The following POLN variants were observed in gnomAD, a reference collection of about 807,000 sequenced individuals.
POLN encodes DNA polymerase N.
POLN carries 108 observed loss-of-function variants against 113.5 expected under a neutral mutation model. The ratio of observed to expected loss-of-function variants is 0.95; its 90% CI spans 0.81 to 1.12. POLN has a LOEUF of 1.12. Ranked by LOEUF, POLN falls within the 50% of genes most tolerant of loss-of-function variation. The pLI is 0.00. For synonymous variants in POLN, 386 were observed against 391.5 expected (o/e 0.99, Z 0.17); for missense variants, 1,097 against 1,077.1 (o/e 1.02, Z -0.26).
At chr4:2,218,050 G>C (rs570452281) in intron 3 of POLN, among the ~76,000 whole-genome samples, 18 of 152,262 alleles carry the variant, frequency 1.2e-4, no homozygotes, top group South Asian at 8.3e-4. Flanking sequence ...AGCTACTCGG[G>C]AGACTGAAGC....
chr4:2,116,723 C>A (rs1731326219), intron 19 of POLN, among the ~76,000 whole-genome samples: 1 of 152,148 alleles, frequency 6.6e-6, no homozygotes, highest in Non-Finnish European at 1.5e-5. Context: ...ACTATAAGGT[C>A]ACGAAGGGAC....
intron 6 of POLN, among the ~76,000 whole-genome samples, chr4:2,196,039 C>T (rs1353011576): frequency 6.6e-6 from 1 of 152,094 alleles, no homozygotes; most frequent in Non-Finnish European, 1.5e-5. Flanking sequence ...ACTGGGACAA[C>T]CCAATTGCAT....
At chr4:2,179,257 GA>G in intron 8 of POLN, 50 bp downstream of exon 8, 2 of 1,507,826 alleles carry the variant, frequency 1.3e-6, no homozygotes, top group Non-Finnish European at 1.8e-6. Context: ...AAAGCTTCCA[GA>G]AAAAATAGGA....
intron 20 of POLN, among the ~76,000 whole-genome samples, chr4:2,094,503 G>C (rs986761478): frequency 1.3e-5 from 2 of 152,112 alleles, no homozygotes; most frequent in African/African-American, 4.8e-5. Context: ...CCCACACCCA[G>C]AGAAACTGTG....
At position 2,123,640 on chromosome 4, in the gene POLN, A is replaced by AAG. The variant is rs1731505676; in HGVS notation, c.1982+4472_1982+4473insCT. Among the ~76,000 whole-genome samples, 8 of 150,720 alleles carry AAG rather than the reference A, an allele frequency of 5.3e-5. No homozygotes were observed. The South Asian group carries it at 1.3e-3, about 24-fold the overall frequency. On this transcript the variant is annotated intron_variant, in intron 19 of 25. Transcript: ENST00000511885. ...ACCCTGTCTCAAAAAAAAAAAAAAA[A>AAG]AAAAAGAAAAAAAAATTCAGCCAGG...
intron 19 of POLN, among the ~76,000 whole-genome samples, chr4:2,125,838 C>T (rs1309123176): frequency 3.3e-5 from 5 of 152,102 alleles, no homozygotes; most frequent in Non-Finnish European, 7.4e-5. Flanking sequence ...CAGACCTGGA[C>T]AGAGATGCCA....
At chr4:2,167,326 G>T (rs180986328) in intron 13 of POLN, among the ~76,000 whole-genome samples, 1 of 152,264 alleles carries the variant, frequency 6.6e-6, no homozygotes, top group East Asian at 1.9e-4. Flanking sequence ...CTGAGAACAT[G>T]TGACTTCACT....
intron 16 of POLN, among the ~76,000 whole-genome samples, chr4:2,148,633 C>T (rs1451643007): frequency 6.6e-6 from 1 of 151,404 alleles, no homozygotes; most frequent in Non-Finnish European, 1.5e-5. Flanking sequence ...CACCACGGCA[C>T]TCCAGCCTGG....
chr4:2,072,498 C>A (rs1730173213), intron 25 of POLN, among the ~76,000 whole-genome samples, 199 bp from the exon 26 acceptor site: 1 of 152,258 alleles, frequency 6.6e-6, no homozygotes, highest in Admixed American at 6.5e-5. Flanking sequence ...GCCACATCCA[C>A]CTCCCAGTCA....
chr4:2,156,521 C>T (rs752608032), intron 16 of POLN: 48 of 580,016 alleles, frequency 8.3e-5, no homozygotes, highest in Admixed American at 2.3e-4. Context: ...AGATGGGGTA[C>T]GGGTGTCCTT....
chr4:2,103,183 TAATTCAGGATG>T (rs1730969521), intron 19 of POLN, among the ~76,000 whole-genome samples: 1 of 152,010 alleles, frequency 6.6e-6, no homozygotes. Context: ...CTCAGAAAAT[TAATTCAGGATG>T]AATTAAAATT....
rs536467092 is a variant in POLN, at chr4:2,192,666, A to T, written c.1021+538T>A. Among the ~76,000 whole-genome samples, 383 of 152,014 alleles carry T rather than the reference A, an allele frequency of 2.5e-3. 1 individual carries two copies. The highest frequency in any genetic ancestry group is 8.9e-3 in the African/African-American group (371 of 41,506). On this transcript the variant is annotated intron_variant, in intron 7 of 25. Transcript: ENST00000511885. The stretch of plus-strand genomic sequence containing the variant: ...TCCATCCAGTTTTCAAAAAGTTATT[A>T]AAAAAACTTTACTATTTTAGGCCCG...
chr4:2,212,941 TA>T, intron 4 of POLN, 105 bp downstream of exon 4: 1 of 586,494 alleles, frequency 1.7e-6, no homozygotes, highest in Non-Finnish European at 2.6e-6. Flanking sequence ...TTTTTTTTTT[TA>T]AGGTGTGGTA....
chr4:2,178,786 A>T (rs994628238), intron 8 of POLN, among the ~76,000 whole-genome samples: 6 of 152,022 alleles, frequency 3.9e-5, no homozygotes, highest in Admixed American at 1.3e-4. Flanking sequence ...TAATTTTTAT[A>T]TTTTTAGTAG....
intron 19 of POLN, among the ~76,000 whole-genome samples, chr4:2,101,106 A>G (rs1226855639): frequency 2.6e-5 from 4 of 152,142 alleles, no homozygotes; most frequent in Non-Finnish European, 5.9e-5. Context: ...TTGCCACACA[A>G]ATCACAAAAA....
Position 2,096,002 on chromosome 4 carries a change from C to T in POLN, c.1983-69G>A. 4.0e-6 allele frequency: 5 copies of T among 1,242,454 alleles called. 1 individual carries two copies. Among genetic ancestry groups the T allele is most frequent in the South Asian group, 3.6e-5 (3 of 83,722 alleles). The allele number at this position is 1,242,454 out of a possible 1,614,324, so 77.0% of individuals were successfully genotyped here. On this transcript the variant is annotated intron_variant, in intron 19 of 25. Transcript: ENST00000511885. ...TGTCAGTGCAGGGCAGACAGTCCAA[C>T]CACACACCCCACCACTGTGCTTCCT... is the stretch of plus-strand genomic sequence containing the variant.
chr4:2,138,820 G>A (rs1275000066), intron 16 of POLN, among the ~76,000 whole-genome samples: 2 of 151,940 alleles, frequency 1.3e-5, no homozygotes, highest in African/African-American at 4.8e-5. Flanking sequence ...TCTGAACCCG[G>A]GAGGCAGAGG....
chr4:2,162,293 G>A (rs981680876), intron 13 of POLN, among the ~76,000 whole-genome samples: 8 of 152,144 alleles, frequency 5.3e-5, no homozygotes, highest in African/African-American at 1.9e-4. Flanking sequence ...AACTCCAGAC[G>A]CGCCGCCTTA....
intron 13 of POLN, among the ~76,000 whole-genome samples, chr4:2,162,842 C>A (rs1464042564): frequency 6.6e-6 from 1 of 151,830 alleles, no homozygotes; most frequent in African/African-American, 2.4e-5. Context: ...TATTTACTGA[C>A]CCTCGAGTCA....
Sources: allele counts gnomAD v4.1 joint callset (sites outside exome capture counted in the v4.1 genomes callset), GRCh38; gene constraint gnomAD v4.1.1; transcripts MANE v1.5; gene names NCBI Gene and HGNC (gene_info 2026-07-23, HGNC 2026-07-21).